The following TMEM132D variants were observed in gnomAD, a reference collection of about 807,000 sequenced individuals.
TMEM132D encodes the protein transmembrane protein 132D.
In TMEM132D, 21 loss-of-function variants were observed where a neutral mutation model predicts 62.3. The observed-to-expected ratio is 0.34, with a 90% CI of 0.24 to 0.49. TMEM132D has a LOEUF of 0.49. Among genes scored for constraint, TMEM132D ranks in the 20% least tolerant of loss-of-function variants. The pLI is 0.99. For synonymous variants in TMEM132D, 621 were observed against 575.6 expected (o/e 1.08, Z -1.13); for missense variants, 1,346 against 1,402.8 (o/e 0.96, Z 0.65).
At chr12:129,725,381 T>C (rs1767914337) in intron 1 of TMEM132D, among the ~76,000 whole-genome samples, 1 of 152,244 alleles carries the variant, frequency 6.6e-6, no homozygotes, top group African/African-American at 2.4e-5. Flanking sequence ...ATTTGTAGCA[T>C]TTTCCAAGTT....
intron 5 of TMEM132D, among the ~76,000 whole-genome samples, chr12:129,154,300 C>A (rs540222920): frequency 6.6e-6 from 1 of 152,290 alleles, no homozygotes; most frequent in East Asian, 1.9e-4. Context: ...CTACTCACGT[C>A]AGAGTGCTGC....
intron 4 of TMEM132D, among the ~76,000 whole-genome samples, chr12:129,316,170 T>C (rs1328667824): frequency 6.6e-6 from 1 of 152,140 alleles, no homozygotes; most frequent in East Asian, 1.9e-4. Context: ...CTTGGTTATT[T>C]CCTTTCTTCT....
chr12:129,744,763 C>T (rs534812528), intron 1 of TMEM132D, among the ~76,000 whole-genome samples: 22 of 152,282 alleles, frequency 1.4e-4, no homozygotes, highest in Non-Finnish European at 2.6e-4. Flanking sequence ...GAAAAGGCCT[C>T]AACTGGAGAT....
chr12:129,744,377 C>T (rs750034937), intron 1 of TMEM132D, among the ~76,000 whole-genome samples: 1 of 152,070 alleles, frequency 6.6e-6, no homozygotes, highest in Admixed American at 6.5e-5. Context: ...CCCAAAGATT[C>T]CTGTTTAGTT....
Position 129,371,574 on chromosome 12 carries a change from G to A in TMEM132D, c.1116-33757C>T, listed in dbSNP as rs1455047356. ...TGATGATGGCGATGATGGTGACAAT[G>A]ATGTGATGATAGTAACAATGATCAT... is the stretch of plus-strand genomic sequence containing the variant. On this transcript the variant is annotated intron_variant, in intron 3 of 8. Transcript: ENST00000422113. The surrounding 1 kb of genome is among the most constrained non-coding windows in gnomAD (Gnocchi z 4.3). 6.6e-6 allele frequency among the ~76,000 whole-genome samples: 1 copy of A among 151,842 alleles called. No homozygotes were observed. Among genetic ancestry groups the A allele is most frequent in the Admixed American group, 6.6e-5 (1 of 15,240 alleles).
At chr12:129,700,891 C>G (rs925752994) in intron 1 of TMEM132D, among the ~76,000 whole-genome samples, 193 bp from the exon 2 acceptor site, 1 of 152,164 alleles carries the variant, frequency 6.6e-6, no homozygotes, top group Non-Finnish European at 1.5e-5. Flanking sequence ...TGCCACCAAC[C>G]TAAGTAGAAA....
chr12:129,373,741 G>A (rs1870695334), intron 3 of TMEM132D, among the ~76,000 whole-genome samples: 1 of 152,154 alleles, frequency 6.6e-6, no homozygotes, highest in South Asian at 2.1e-4. Flanking sequence ...ATGTTCAGTG[G>A]TTCATCTGTA....
intron 4 of TMEM132D, among the ~76,000 whole-genome samples, chr12:129,217,997 GCTAGGACCAGCAGCCT>G (rs1056485996): frequency 2.6e-5 from 4 of 152,116 alleles, no homozygotes; most frequent in Non-Finnish European, 5.9e-5. Context: ...CATCTCCGGA[GCTAGGACCAGCAGCCT>G]CTCTCCCTGG....
chr12:129,512,611 C>T (rs1159255093), intron 3 of TMEM132D, among the ~76,000 whole-genome samples: 2 of 152,180 alleles, frequency 1.3e-5, no homozygotes, highest in Non-Finnish European at 2.9e-5. Context: ...ATTGTTTTAG[C>T]TCATGAGTTA....
chr12:129,177,231 T>C (rs958190815), intron 5 of TMEM132D, among the ~76,000 whole-genome samples: 2 of 152,192 alleles, frequency 1.3e-5, no homozygotes, highest in Admixed American at 6.5e-5. Context: ...TTTTAAAAAA[T>C]CACCAATATT....
intron 5 of TMEM132D, among the ~76,000 whole-genome samples, chr12:129,089,738 C>G (rs559669967): frequency 1.3e-5 from 2 of 152,356 alleles, no homozygotes; most frequent in Admixed American, 1.3e-4. Flanking sequence ...ACCTAGTGTT[C>G]ACAGCCACCC....
intron 2 of TMEM132D, among the ~76,000 whole-genome samples, chr12:129,656,605 A>G (rs185538): frequency 0.69 from 104,852 of 151,954 alleles, 36,475 homozygotes; most frequent in East Asian, 0.88. Context: ...GGAAAAGACC[A>G]TTTGGATGCA....
At chr12:129,409,801 G>A (rs140709520) in intron 3 of TMEM132D, among the ~76,000 whole-genome samples, 23 of 152,312 alleles carry the variant, frequency 1.5e-4, no homozygotes, top group African/African-American at 4.6e-4. Flanking sequence ...TCCAGGGAGC[G>A]TAAATACCTC....
rs1872476139 is a variant in TMEM132D at position 129,819,328 on chromosome 12, C to G, written c.79+83933G>C. On this transcript the variant is annotated intron_variant, in intron 1 of 8. Transcript: ENST00000422113. ...AAAGGAGAATTGGCATCTGGTTTCC[C>G]CATCAATTGTGATATTTATAATAAT... Among the ~76,000 whole-genome samples the G allele has an allele frequency of 2.6e-5, 4 of 152,066 alleles. No individual in the cohort carries two copies. The South Asian group carries it at 8.3e-4, about 32-fold the overall frequency.
chr12:129,227,968 G>A (rs774393726), intron 4 of TMEM132D, among the ~76,000 whole-genome samples: 23 of 152,222 alleles, frequency 1.5e-4, no homozygotes, highest in Non-Finnish European at 2.8e-4. Context: ...CGGTGTATAC[G>A]TTTATTACCT....
At chr12:129,610,762 G>T (rs1205168594) in intron 2 of TMEM132D, among the ~76,000 whole-genome samples, 1 of 152,124 alleles carries the variant, frequency 6.6e-6, no homozygotes, top group African/African-American at 2.4e-5. Context: ...ACTTTAGAAG[G>T]CTGCTCTCTT....
At chr12:129,584,006 A>AT (rs1394343560) in intron 2 of TMEM132D, among the ~76,000 whole-genome samples, 1 of 152,148 alleles carries the variant, frequency 6.6e-6, no homozygotes, top group Non-Finnish European at 1.5e-5. Flanking sequence ...GAAACAGTTA[A>AT]TTTTTTTATT....
chr12:129,743,446 G>A (rs776649025), intron 1 of TMEM132D, among the ~76,000 whole-genome samples: 47 of 152,106 alleles, frequency 3.1e-4, no homozygotes, highest in Non-Finnish European at 5.9e-4. Flanking sequence ...TCTCCTTCCC[G>A]CCACCATGTG....
intron 5 of TMEM132D, among the ~76,000 whole-genome samples, chr12:129,108,291 T>G (rs571433147): frequency 6.6e-6 from 1 of 152,308 alleles, no homozygotes; most frequent in South Asian, 2.1e-4. Flanking sequence ...CTTCTCCATG[T>G]TCACCGTGTG....
Sources: gnomAD v4.1 joint callset for allele counts (sites outside exome capture counted in the v4.1 genomes callset) on GRCh38, gnomAD v4.1.1 for gene constraint, Gnocchi (gnomAD v3.1) non-coding constraint, MANE v1.5 for transcripts, NCBI Gene and HGNC (gene_info 2026-07-23, HGNC 2026-07-21) for gene names.